The following CSMD1 variants were observed in gnomAD, a reference collection of about 807,000 sequenced individuals.
CSMD1 encodes the protein CUB and sushi domain-containing protein 1.
Under a neutral mutation model 417.5 loss-of-function variants are expected in CSMD1, and 213 were observed. The observed-to-expected ratio is 0.51, with a 90% confidence interval of 0.46 to 0.57. The LOEUF (loss-of-function observed/expected upper bound fraction) is 0.57. Among genes scored for constraint, CSMD1 ranks in the 20% least tolerant of loss-of-function variants. The pLI, the probability that CSMD1 is intolerant of heterozygous loss-of-function variation, is 0.00. For synonymous variants in CSMD1, 2,862 were observed against 1,736.8 expected (o/e 1.65, Z -16.11); for missense variants, 6,923 against 4,529.7 (o/e 1.53, Z -15.17).
At position 4,260,252 on chromosome 8, in the gene CSMD1, G is replaced by A. The variant is rs572981468; in HGVS notation, c.415+159701C>T. 3.7e-4 allele frequency among the ~76,000 whole-genome samples: 56 copies of A among 152,124 alleles called. 1 individual carries two copies. The highest frequency in any genetic ancestry group is 1.1e-3 in the African/African-American group (44 of 41,506). ...TCTTTGCTATTTCAACTTGCATTCC[G>A]CTTATTACTAGTGAAATTAATGTTT... On this transcript the variant is annotated intron_variant, in intron 3 of 69. Transcript: ENST00000635120.
chr8:3,789,964 C>A (rs1300665907), intron 5 of CSMD1, among the ~76,000 whole-genome samples: 1 of 152,074 alleles, frequency 6.6e-6, no homozygotes, highest in Non-Finnish European at 1.5e-5. Flanking sequence ...ATCTCCTGAC[C>A]TTGTGATCCG....
At chr8:3,305,077 G>T (rs1000037788) in intron 25 of CSMD1, among the ~76,000 whole-genome samples, 15 of 152,246 alleles carry the variant, frequency 9.9e-5, no homozygotes, top group Admixed American at 7.2e-4. Flanking sequence ...CTGCAGTGGT[G>T]TGATCATAGC....
chr8:4,378,124 C>G (rs567373988), intron 3 of CSMD1, among the ~76,000 whole-genome samples: 1 of 152,192 alleles, frequency 6.6e-6, no homozygotes, highest in Non-Finnish European at 1.5e-5. Context: ...TTACGGGTGG[C>G]ATGGAGTGTA....
At position 3,201,659 on chromosome 8, in the gene CSMD1, G is replaced by T; in HGVS notation, c.5051C>A (p.Thr1684Asn). 6.2e-7 allele frequency: 1 copy of T among 1,606,812 alleles called. No individual in the cohort carries two copies. The highest frequency in any genetic ancestry group is 8.5e-7 in the Non-Finnish European group (1 of 1,176,618). The change falls in exon 32 of 70, where the codon ACC (threonine) becomes AAC (asparagine). Residue 1684 changes from threonine to asparagine, a missense_variant. Coordinates refer to ENST00000635120, the MANE Select transcript of CSMD1 (RefSeq NM_033225.6). Reference sequence around the variant, plus strand: ...GCTGAGAAGTCTGGCCTGTGCATGGGTTCCATCAAATAATTCTGCCAAATC... The same window carrying T: ...GCTGAGAAGTCTGGCCTGTGCATGGTTTCCATCAAATAATTCTGCCAAATC... Reference protein sequence around the residue: ...LNDLAELFDGTHAQARLLSSL... With the variant: ...LNDLAELFDGNHAQARLLSSL...
intron 3 of CSMD1, among the ~76,000 whole-genome samples, chr8:4,380,249 C>T (rs1436759610): frequency 2.6e-5 from 4 of 152,130 alleles, no homozygotes; most frequent in Non-Finnish European, 4.4e-5. Context: ...TTGCAGTGGA[C>T]AAGCCTGACA....
intron 2 of CSMD1, among the ~76,000 whole-genome samples, chr8:4,625,333 G>C (rs1440338659): frequency 6.6e-6 from 1 of 152,078 alleles, no homozygotes; most frequent in Admixed American, 6.6e-5. Context: ...AGTCTCAATA[G>C]AGGGTCAAGT....
At position 3,602,024 on chromosome 8, in the gene CSMD1, T is replaced by C. The variant is rs112994712; in HGVS notation, c.1097+14686A>G. 3.9e-3 allele frequency among the ~76,000 whole-genome samples: 594 copies of C among 152,230 alleles called. 4 individuals are homozygous for C. Among genetic ancestry groups the C allele is most frequent in the African/African-American group, 0.014 (563 of 41,542 alleles). On this transcript the variant is annotated intron_variant, in intron 8 of 69. Coordinates refer to ENST00000635120, the MANE Select transcript of CSMD1 (RefSeq NM_033225.6). ...ATGGGAAGTTATGGCTTTATGGGTA[T>C]GGAGTTTCAGTTTTGCAGGATAAAA...
intron 8 of CSMD1, among the ~76,000 whole-genome samples, chr8:3,610,551 T>A (rs374114055): frequency 2.6e-5 from 4 of 152,218 alleles, no homozygotes; most frequent in African/African-American, 9.6e-5. Context: ...ATAATATAGG[T>A]CATGTACACA....
At chr8:4,744,159 A>G (rs1416680885) in intron 1 of CSMD1, among the ~76,000 whole-genome samples, 1 of 152,198 alleles carries the variant, frequency 6.6e-6, no homozygotes, top group Non-Finnish European at 1.5e-5. Flanking sequence ...GGTTCCCTAT[A>G]AAGAGCGTCG....
At chr8:4,769,675 T>C (rs17071260) in intron 1 of CSMD1, among the ~76,000 whole-genome samples, 61,801 of 151,992 alleles carry the variant, frequency 0.41, 12,991 homozygotes, top group Admixed American at 0.57. Flanking sequence ...GGCTGACGGA[T>C]TTGTGGAGCT....
chr8:3,646,249 G>T (rs1277076001), intron 7 of CSMD1, among the ~76,000 whole-genome samples: 1 of 152,072 alleles, frequency 6.6e-6, no homozygotes, highest in African/African-American at 2.4e-5. Flanking sequence ...AAAGAAACGT[G>T]ATATGCTGAG....
At chr8:3,156,862 G>T (rs186678238) in intron 39 of CSMD1, among the ~76,000 whole-genome samples, 1 of 151,834 alleles carries the variant, frequency 6.6e-6, no homozygotes, top group African/African-American at 2.4e-5. Flanking sequence ...TAAAGATGGG[G>T]CATTGGAGCT....
intron 25 of CSMD1, among the ~76,000 whole-genome samples, chr8:3,296,137 G>T (rs1803947034): frequency 6.6e-6 from 1 of 152,018 alleles, no homozygotes; most frequent in African/African-American, 2.4e-5. Context: ...GAATCACTGG[G>T]ATACTAATTC....
chr8:4,565,144 A>C (rs993575765), intron 2 of CSMD1, among the ~76,000 whole-genome samples: 5 of 152,234 alleles, frequency 3.3e-5, no homozygotes, highest in African/African-American at 1.2e-4. Context: ...CTTATCACTC[A>C]GCCTCAGACT....
chr8:4,068,392 A>T (rs1799370298), intron 3 of CSMD1, among the ~76,000 whole-genome samples: 2 of 152,298 alleles, frequency 1.3e-5, no homozygotes, highest in South Asian at 4.1e-4. Flanking sequence ...TGTGACTTTT[A>T]TTTCACACTG....
chr8:3,438,075 T>C (rs1343246268), intron 12 of CSMD1, among the ~76,000 whole-genome samples: 1 of 152,202 alleles, frequency 6.6e-6, no homozygotes, highest in East Asian at 1.9e-4. Flanking sequence ...ATTTACCCAG[T>C]AGAAAAGCTT....
At chr8:3,382,946 A>G (rs1032913092) in intron 18 of CSMD1, among the ~76,000 whole-genome samples, 4 of 152,324 alleles carry the variant, frequency 2.6e-5, no homozygotes, top group African/African-American at 7.2e-5. Flanking sequence ...ATGACAAAGA[A>G]AACATGATGC....
intron 1 of CSMD1, among the ~76,000 whole-genome samples, chr8:4,942,116 A>C (rs1413251816): frequency 6.6e-6 from 1 of 152,144 alleles, no homozygotes; most frequent in Non-Finnish European, 1.5e-5. Context: ...ATTCCTAAAT[A>C]TTCTCTTCCA....
chr8:4,390,018 T>G (rs1030004472), intron 3 of CSMD1, among the ~76,000 whole-genome samples: 4 of 152,238 alleles, frequency 2.6e-5, no homozygotes, highest in Admixed American at 2.0e-4. Flanking sequence ...TATTACCAAT[T>G]TGCTTTTCAC....
Sources: gnomAD v4.1 joint callset for allele counts (sites outside exome capture counted in the v4.1 genomes callset) on GRCh38, gnomAD v4.1.1 for gene constraint, MANE v1.5 for transcripts, NCBI Gene and HGNC (gene_info 2026-07-23, HGNC 2026-07-21) for gene names.